The following PPIL2 variants were observed in gnomAD, a reference collection of about 807,000 sequenced individuals.
PPIL2 encodes peptidylprolyl isomerase like 2, also known as RING-type E3 ubiquitin-protein ligase PPIL2.
In PPIL2, 50 loss-of-function variants were observed where a neutral mutation model predicts 75.2. The ratio of observed to expected loss-of-function variants is 0.66; its 90% CI spans 0.53 to 0.84. The LOEUF (loss-of-function observed/expected upper bound fraction) is 0.84. PPIL2 is among the 40% of genes least tolerant of loss of function. The pLI, the probability that PPIL2 is intolerant of heterozygous loss-of-function variation, is 0.00. For synonymous variants in PPIL2, 245 were observed against 258.8 expected, an observed-to-expected ratio of 0.95 and a Z score of 0.51; for missense variants, 590 against 685.0, an observed-to-expected ratio of 0.86 and a Z score of 1.55.
At position 21,696,586 on chromosome 22, in the gene PPIL2, C is replaced by T; in HGVS notation, c.*1096C>T. ...TTCGTCTTCAGCCCAGGCCAGTGGT[C>T]AGTGTTCTCATGTCATGGACTCTCC... is the stretch of plus-strand genomic sequence containing the variant. On this transcript the variant is annotated 3_prime_UTR_variant, in exon 20 of 20. Coordinates refer to ENST00000398831, the MANE Select transcript of PPIL2 (RefSeq NM_014337.4). 6.9e-7 allele frequency: 1 copy of T among 1,441,734 alleles called. No individual in the cohort carries two copies. Among genetic ancestry groups the T allele is most frequent in the Non-Finnish European group, 9.1e-7 (1 of 1,099,540 alleles). The allele number at this position is 1,441,734 out of a possible 1,614,324, so 89.3% of individuals were successfully genotyped here.
chr22:21,687,738 T>C lies in PPIL2; in HGVS notation c.987+6T>C. 6.2e-7 allele frequency: 1 copy of C among 1,610,202 alleles called. No homozygotes were observed. Among genetic ancestry groups the C allele is most frequent in the Non-Finnish European group, 8.5e-7 (1 of 1,176,676 alleles). ...GATCCATCCGGAACTTTGTGGTGAG[T>C]GACGAGAGTCACTGGCTGCACAGAT... is the stretch of plus-strand genomic sequence containing the variant. On this transcript the variant is annotated splice_donor_region_variant and intron_variant, in intron 13 of 19. Coordinates refer to ENST00000398831, the MANE Select transcript of PPIL2 (RefSeq NM_014337.4).
chr22:21,689,673 A>G (rs1490972572), intron 15 of PPIL2, among the ~76,000 whole-genome samples: 1 of 152,186 alleles, frequency 6.6e-6, no homozygotes, highest in Non-Finnish European at 1.5e-5. Context: ...CACATCAGTC[A>G]CGTCACCGTC....
Position 21,697,462 on chromosome 22 carries a change from C to T in PPIL2, c.*1972C>T, listed in dbSNP as rs781656078. On this transcript the variant is annotated 3_prime_UTR_variant, in exon 20 of 20. Transcript: ENST00000398831. ...TCGAAGACCCCAAGACAGCCCTCTG[C>T]TCTCAGCGGCGCCACAGAGAGCCTG... The T allele has an allele frequency of 1.7e-4, 28 of 167,810 alleles. No individual in the cohort carries two copies. Among genetic ancestry groups the T allele is most frequent in the Non-Finnish European group, 3.2e-4 (25 of 77,020 alleles). 10.4% of individuals were successfully genotyped at this position (167,810 alleles called of 1,614,324 possible). A position where few individuals can be genotyped will look rare whatever the true frequency, so the allele number is the denominator to read the frequency against.
In PPIL2 at chr22:21,682,487, C is replaced by CG. The variant is rs764871976; in HGVS notation, c.439dup (p.Asp147GlyfsTer25). On this transcript the variant is annotated frameshift_variant, in exon 8 of 20. Coordinates refer to ENST00000398831, the MANE Select transcript of PPIL2 (RefSeq NM_014337.4). LOFTEE classifies it high-confidence loss of function. ...CCAAGAACTTCCGGGACCTGCTGAC[C>CG]GACGAGCCCTTCTCCCGGCAGGACA... The CG allele has an allele frequency of 6.2e-7, 1 of 1,603,394 alleles. No individual in the cohort carries two copies. The highest frequency in any genetic ancestry group is 8.5e-7 in the Non-Finnish European group (1 of 1,175,474).
intron 6 of PPIL2, among the ~76,000 whole-genome samples, chr22:21,678,305 C>T (rs1277419916): frequency 6.6e-6 from 1 of 152,144 alleles, no homozygotes; most frequent in African/African-American, 2.4e-5. Flanking sequence ...AGTCTCAGCT[C>T]ACTGCAACCT....
chr22:21,671,769 A>G (rs1367688863), intron 4 of PPIL2, among the ~76,000 whole-genome samples: 1 of 151,992 alleles, frequency 6.6e-6, no homozygotes. Context: ...ATCAACATTT[A>G]TGACGGAGTG....
chr22:21,696,690 C>A lies in PPIL2; in HGVS notation c.*1200C>A. Reference sequence around the variant, plus strand: ...TCTAGTTCTTCACACTAAGCCCTAACTTAGGCCTTGTTCTTGGTTTTCTCA... The same window carrying A: ...TCTAGTTCTTCACACTAAGCCCTAAATTAGGCCTTGTTCTTGGTTTTCTCA... On this transcript the variant is annotated 3_prime_UTR_variant, in exon 20 of 20. Transcript: ENST00000398831. The A allele has an allele frequency of 6.5e-7, 1 of 1,534,528 alleles. No individual in the cohort carries two copies. Among genetic ancestry groups the A allele is most frequent in the Non-Finnish European group, 8.7e-7 (1 of 1,146,008 alleles).
intron 6 of PPIL2, among the ~76,000 whole-genome samples, chr22:21,679,639 A>G (rs913098431): frequency 2.7e-5 from 4 of 150,806 alleles, no homozygotes; most frequent in Non-Finnish European, 4.4e-5. Context: ...GTCTCAGCCT[A>G]TCGCCTAGGC....
In PPIL2 at chr22:21,671,284, A is replaced by G. The variant is rs752886601; in HGVS notation, c.191+225A>G. ...GGGGTAGACCACCCCCTACCCCTCC[A>G]AGTGCAGGCATGAGCCACTGCACCT... On this transcript the variant is annotated intron_variant, in intron 4 of 19. Coordinates refer to ENST00000398831, the MANE Select transcript of PPIL2 (RefSeq NM_014337.4). Among the ~76,000 whole-genome samples the G allele has an allele frequency of 1.9e-4, 29 of 152,218 alleles. 1 individual carries two copies. The highest frequency in any genetic ancestry group is 3.1e-4 in the Non-Finnish European group (21 of 68,038).
chr22:21,677,066 G>T (rs1669120), intron 6 of PPIL2, among the ~76,000 whole-genome samples: 2 of 151,136 alleles, frequency 1.3e-5, no homozygotes, highest in Non-Finnish European at 3.0e-5. Context: ...GGCGGCTGCC[G>T]GGCGGAGACG....
intron 15 of PPIL2, among the ~76,000 whole-genome samples, chr22:21,690,516 C>G (rs975063816): frequency 6.6e-6 from 1 of 152,180 alleles, no homozygotes; most frequent in Admixed American, 6.5e-5. Flanking sequence ...GGCTGGTATT[C>G]TCTTGGCCTC....
chr22:21,670,789 G>T, intron 3 of PPIL2, 178 bp downstream of exon 3: 1 of 858,930 alleles, frequency 1.2e-6, no homozygotes, highest in Non-Finnish European at 1.9e-6. Context: ...GCTTGCCTTG[G>T]TGTTGGATCC....
chr22:21,682,062 A>C (rs2067150353), intron 7 of PPIL2, among the ~76,000 whole-genome samples: 1 of 152,230 alleles, frequency 6.6e-6, no homozygotes. Flanking sequence ...GCACCGCAGG[A>C]GTGCAGGCAT....
chr22:21,672,485 C>G, intron 5 of PPIL2, 104 bp downstream of exon 5: 3 of 1,177,598 alleles, frequency 2.5e-6, no homozygotes, highest in Non-Finnish European at 3.8e-6. Flanking sequence ...GGGAGAGAAC[C>G]GTTCATGGGG....
At chr22:21,694,047 G>A (rs1206273501) in intron 16 of PPIL2, among the ~76,000 whole-genome samples, 175 bp downstream of exon 16, 3 of 152,180 alleles carry the variant, frequency 2.0e-5, no homozygotes, top group African/African-American at 7.2e-5. Flanking sequence ...ATGTGCCAGG[G>A]AAGTCTGGCT....
intron 5 of PPIL2, among the ~76,000 whole-genome samples, chr22:21,672,811 T>C (rs537023891): frequency 1.3e-5 from 2 of 152,308 alleles, no homozygotes; most frequent in South Asian, 2.1e-4. Context: ...CCTCCACCTC[T>C]TTCCTATGGC....
intron 10 of PPIL2, chr22:21,685,570 T>C: frequency 2.4e-6 from 1 of 408,672 alleles, no homozygotes; most frequent in Non-Finnish European, 4.7e-6. Context: ...TTGTCCAGTG[T>C]GTCACTCCGT....
At chr22:21,694,541 G>A in intron 16 of PPIL2, 52 bp from the exon 17 acceptor site, 8 of 1,601,020 alleles carry the variant, frequency 5.0e-6, no homozygotes, top group South Asian at 1.1e-5. Flanking sequence ...GCTCAGCCGT[G>A]GGGGTGCCCT....
intron 1 of PPIL2, among the ~76,000 whole-genome samples, chr22:21,668,311 G>C (rs564566637): frequency 6.6e-6 from 1 of 151,814 alleles, no homozygotes; most frequent in Non-Finnish European, 1.5e-5. Flanking sequence ...CACAACAACT[G>C]ACCAGCATTA....
Sources: gnomAD v4.1 joint callset for allele counts (sites outside exome capture counted in the v4.1 genomes callset) on GRCh38, gnomAD v4.1.1 for gene constraint, MANE v1.5 for transcripts, NCBI Gene and HGNC (gene_info 2026-07-23, HGNC 2026-07-21) for gene names.